The following RUFY3 variants were observed in gnomAD, a reference collection of about 807,000 sequenced individuals.
RUFY3 encodes RUN and FYVE domain containing 3, also known as protein RUFY3.
RUFY3 carries 34 observed loss-of-function variants against 84.0 expected under a neutral mutation model. The observed-to-expected ratio is 0.40, with a 90% CI of 0.31 to 0.54. RUFY3 has a LOEUF of 0.54. Among genes scored for constraint, RUFY3 ranks in the 20% least tolerant of loss-of-function variants. The pLI is 0.39. For missense variants in RUFY3, 507 were observed against 736.8 expected (o/e 0.69, Z 3.61); for synonymous variants, 242 against 252.9 (o/e 0.96, Z 0.41).
At chr4:70,800,080 T>G in intron 14 of RUFY3, 61 bp from the exon 15 acceptor site, 1 of 1,495,810 alleles carries the variant, frequency 6.7e-7, no homozygotes, top group South Asian at 1.2e-5. Flanking sequence ...AAGAAAATAT[T>G]TGCAATATCA....
At position 70,800,123 on chromosome 4, in the gene RUFY3, G is replaced by A. The variant is rs367709818; in HGVS notation, c.1558-18G>A. On this transcript the variant is annotated intron_variant, in intron 14 of 17. Transcript: ENST00000381006. ...GCATTCTGAATAATTAATAAATTGG[G>A]CTGTTTTCTTTTGGCAGGATGGGAA... 13 of 1,596,854 alleles carry A rather than the reference G, an allele frequency of 8.1e-6. No homozygotes were observed. The highest frequency in any genetic ancestry group is 8.1e-5 in the South Asian group (7 of 86,174).
At chr4:70,723,970 G>C (rs1355242535) in intron 1 of RUFY3, among the ~76,000 whole-genome samples, 1 of 152,144 alleles carries the variant, frequency 6.6e-6, no homozygotes, top group Non-Finnish European at 1.5e-5. Flanking sequence ...GTCATTTTGG[G>C]TGTGTCTTTA....
intron 1 of RUFY3, among the ~76,000 whole-genome samples, chr4:70,723,555 A>G (rs191055806): frequency 7.9e-4 from 121 of 152,286 alleles, no homozygotes; most frequent in Non-Finnish European, 1.4e-3. Context: ...CTAATTTATG[A>G]GAGGTTTTCT....
At chr4:70,722,850 C>T in intron 1 of RUFY3, 99 bp downstream of exon 1, 5 of 1,135,714 alleles carry the variant, frequency 4.4e-6, no homozygotes, top group Non-Finnish European at 6.3e-6. Flanking sequence ...CCTACACTCT[C>T]AACTGTTAAC....
intron 1 of RUFY3, among the ~76,000 whole-genome samples, chr4:70,727,354 C>CTTTTTTTTT (rs762253929): frequency 3.4e-5 from 4 of 118,250 alleles, no homozygotes; most frequent in African/African-American, 6.8e-5. Context: ...AAAGTAATAA[C>CTTTTTTTTT]TTTTTTTTTT....
chr4:70,721,361 A>G (rs573117817), upstream of RUFY3, among the ~76,000 whole-genome samples: 32 of 152,290 alleles, frequency 2.1e-4, no homozygotes, highest in Non-Finnish European at 4.1e-4. Flanking sequence ...AAATACAACA[A>G]AATCAAAAAG....
chr4:70,705,269 C>G, exon 1 of RUFY3: 3 of 1,434,782 alleles, frequency 2.1e-6, no homozygotes, highest in Non-Finnish European at 9.1e-7. Context: ...GCGGCGGCGG[C>G]GGCAGCAGCG....
At chr4:70,802,338 T>C (rs1348841944) in intron 15 of RUFY3, among the ~76,000 whole-genome samples, 1 of 152,206 alleles carries the variant, frequency 6.6e-6, no homozygotes, top group Non-Finnish European at 1.5e-5. Flanking sequence ...ACCATTGCAA[T>C]CTGTAGTGCA....
chr4:70,727,353 A>ATTTTTT (rs1718429093), intron 1 of RUFY3, among the ~76,000 whole-genome samples: 1 of 132,106 alleles, frequency 7.6e-6, no homozygotes, highest in Non-Finnish European at 1.5e-5. Context: ...GAAAGTAATA[A>ATTTTTT]CTTTTTTTTT....
At chr4:70,730,884 G>A (rs982736013) in intron 1 of RUFY3, among the ~76,000 whole-genome samples, 2 of 152,124 alleles carry the variant, frequency 1.3e-5, no homozygotes, top group South Asian at 4.1e-4. Context: ...CCAACAATAG[G>A]CCTGCGTGTA....
intron 12 of RUFY3, chr4:70,791,099 CAGAA>C (rs1334957276): frequency 3.7e-6 from 3 of 819,340 alleles, no homozygotes; most frequent in Admixed American, 3.0e-5. Flanking sequence ...TTAAAGCAAA[CAGAA>C]AGAGAATAAT....
At chr4:70,792,543 C>CTTTAAA in intron 12 of RUFY3, 1 of 985,302 alleles carries the variant, frequency 1.0e-6, no homozygotes, top group Non-Finnish European at 1.2e-6. Context: ...AAGAGACAGG[C>CTTTAAA]TTTACATAAG....
In RUFY3 at chr4:70,763,628, C is replaced by T. The variant is rs139284262; in HGVS notation, c.429C>T (p.Ala143=). ...LELVEKLVPE[A]AEITASVKDL... ...TGGTAGAAAAGCTTGTTCCAGAAGC[C>T]GCAGAGATAACAGCAAGTGTTAAAG... The change falls in exon 3 of 18, where the codon GCC becomes GCT. Residue 143 remains alanine, a synonymous_variant. Coordinates refer to ENST00000381006, the MANE Select transcript of RUFY3 (RefSeq NM_001037442.4). 1.5e-5 allele frequency: 24 copies of T among 1,611,878 alleles called. No individual in the cohort carries two copies. In the African/African-American group the frequency reaches 2.1e-4, roughly 14 times the overall value.
chr4:70,707,592 G>A (rs1321391545), intron 1 of RUFY3, among the ~76,000 whole-genome samples: 2 of 151,798 alleles, frequency 1.3e-5, no homozygotes, highest in Non-Finnish European at 2.9e-5. Flanking sequence ...TTTCCTCATG[G>A]TCTTTATTTT....
chr4:70,788,112 C>T (rs1359839422), intron 10 of RUFY3, among the ~76,000 whole-genome samples: 3 of 151,816 alleles, frequency 2.0e-5, no homozygotes, highest in African/African-American at 4.8e-5. Flanking sequence ...GGTGAAACCC[C>T]GTCTCTACTA....
At chr4:70,787,508 G>A (rs1051121450) in intron 10 of RUFY3, among the ~76,000 whole-genome samples, 1 of 151,770 alleles carries the variant, frequency 6.6e-6, no homozygotes, top group Non-Finnish European at 1.5e-5. Context: ...TGATCCGCCT[G>A]CCTCAGACTC....
intron 17 of RUFY3, 113 bp downstream of exon 17, chr4:70,804,529 G>C: frequency 1.3e-6 from 1 of 750,022 alleles, no homozygotes. Flanking sequence ...TGCATGCAGA[G>C]TGCTGGGAGT....
chr4:70,714,248 C>A (rs1172518415), intron 1 of RUFY3, among the ~76,000 whole-genome samples: 1 of 152,112 alleles, frequency 6.6e-6, no homozygotes, highest in East Asian at 1.9e-4. Flanking sequence ...CGTCTTCAGG[C>A]AACCAGCCCT....
chr4:70,774,170 C>A (rs1448343522), intron 6 of RUFY3, among the ~76,000 whole-genome samples: 1 of 152,096 alleles, frequency 6.6e-6, no homozygotes, highest in Non-Finnish European at 1.5e-5. Flanking sequence ...AAGATTATCT[C>A]ACTGTTCTTT....
Sources: allele counts gnomAD v4.1 joint callset (sites outside exome capture counted in the v4.1 genomes callset), GRCh38; gene constraint gnomAD v4.1.1; transcripts MANE v1.5; gene names NCBI Gene and HGNC (gene_info 2026-07-23, HGNC 2026-07-21).